VSIG1: variants seen among roughly 807,000 people sequenced by gnomAD.
VSIG1 encodes the protein V-set and immunoglobulin domain-containing protein 1.
In VSIG1, 11 loss-of-function variants were observed where a neutral mutation model predicts 20.1. The ratio of observed to expected loss-of-function variants is 0.55; its 90% confidence interval spans 0.34 to 0.91. The LOEUF is 0.91. Among genes scored for constraint, VSIG1 ranks in the 40% least tolerant of loss-of-function variants. The pLI, the probability that VSIG1 is intolerant of heterozygous loss-of-function variation, is 0.02. For missense variants in VSIG1, 283 were observed against 298.8 expected (o/e 0.95, Z 0.39); for synonymous variants, 126 against 116.7 (o/e 1.08, Z -0.52).
chrX:108,035,557 T>C, the VSIG1 span, among the ~76,000 whole-genome samples: 8,802 of 110,018 alleles, frequency 0.08, 911 homozygotes, highest in African/African-American at 0.28. Flanking sequence ...AAATTCATGA[T>C]CAAATCCTCC....
the VSIG1 span, among the ~76,000 whole-genome samples, chrX:108,026,457 G>A: frequency 2.6e-3 from 291 of 111,170 alleles, 5 homozygotes; most frequent in East Asian, 0.037. Flanking sequence ...ATCTAGTAAA[G>A]CCTGTATGTG....
chrX:108,070,702 A>G (rs1283977977), intron 3 of VSIG1, among the ~76,000 whole-genome samples: 1 of 112,598 alleles, frequency 8.9e-6, no homozygotes, highest in Non-Finnish European at 1.9e-5. Flanking sequence ...CTGGTTAAAT[A>G]GCTTAGTTTA....
rs140656334 is a variant in VSIG1, at chrX:108,057,583, A to C, written c.50-455A>C. On this transcript the variant is annotated intron_variant, in intron 1 of 6. Transcript: ENST00000217957. ...TACAAATATATAAATAAAAATTTTAATTAAAAATTATCGAGGACCCCAAAA... is the reference window on the plus strand; with the variant it reads ...TACAAATATATAAATAAAAATTTTACTTAAAAATTATCGAGGACCCCAAAA... Among the ~76,000 whole-genome samples the C allele has an allele frequency of 5.6e-3, 624 of 111,878 alleles. 6 individuals are homozygous for C. The highest frequency in any genetic ancestry group is 0.019 in the African/African-American group (587 of 30,842).
intron 2 of VSIG1, among the ~76,000 whole-genome samples, chrX:108,060,768 T>A (rs2031002828): frequency 8.9e-6 from 1 of 112,558 alleles, no homozygotes; most frequent in Non-Finnish European, 1.9e-5. Flanking sequence ...AGGTTGAATA[T>A]GAAGACTAAA....
intron 1 of VSIG1, among the ~76,000 whole-genome samples, chrX:108,047,097 A>G: frequency 9.0e-6 from 1 of 111,546 alleles, no homozygotes; most frequent in East Asian, 2.8e-4. Context: ...TGTTTCCATC[A>G]ATGTGCAATT....
At chrX:108,041,771 A>C (rs1350717359), upstream of VSIG1, among the ~76,000 whole-genome samples, 1 of 107,135 alleles carries the variant, frequency 9.3e-6, no homozygotes, top group Non-Finnish European at 1.9e-5. Flanking sequence ...TTAAGTTAAA[A>C]ATGAGGGATA....
At position 108,047,959 on chromosome X, in the gene VSIG1, CACATATATATATATATATATATAT is replaced by C. The variant is rs2030679541; in HGVS notation, c.49+2782_49+2805del. Among the ~76,000 whole-genome samples the C allele has an allele frequency of 1.9e-3, 28 of 14,808 alleles. 3 individuals are homozygous for C. The South Asian group carries it at 0.041, about 22-fold the overall frequency. 12.9% of individuals were successfully genotyped at this position (14,808 alleles called of 115,157 possible). On this transcript the variant is annotated intron_variant, in intron 1 of 6. Transcript: ENST00000217957. ...ACACATATATATATATATATACACA[CACATATATATATATATATATATAT>C]ATATATATATATATATATACACATA...
upstream of VSIG1, among the ~76,000 whole-genome samples, chrX:108,042,167 A>G (rs2030491994): frequency 1.8e-5 from 2 of 112,262 alleles, no homozygotes; most frequent in South Asian, 7.4e-4. Context: ...AGAGTTTGTT[A>G]TAACAGAATT....
intron 2 of VSIG1, among the ~76,000 whole-genome samples, chrX:108,065,704 C>A (rs150954338): frequency 9.0e-6 from 1 of 111,590 alleles, no homozygotes; most frequent in Non-Finnish European, 1.9e-5. Flanking sequence ...AAAATATCTA[C>A]CTTAATCTAC....
In VSIG1 at chrX:108,067,150, T is replaced by C. The variant is rs1278233547; in HGVS notation, c.412+16T>C. 2.5e-6 allele frequency: 3 copies of C among 1,206,717 alleles called. No homozygotes were observed. The highest frequency in any genetic ancestry group is 3.4e-6 in the Non-Finnish European group (3 of 892,619). On this transcript the variant is annotated intron_variant, in intron 3 of 6. Transcript: ENST00000217957. ...AGTGTGTTAGGTATGAGCACTTTTT[T>C]CTGCTTTTTCTTTTCTTGGAAAAAG...
At chrX:108,039,830 C>G in the VSIG1 span, among the ~76,000 whole-genome samples, 1 of 110,920 alleles carries the variant, frequency 9.0e-6, no homozygotes, top group Non-Finnish European at 1.9e-5. Context: ...AAGGATGATA[C>G]CAAGGTTTTG....
At chrX:108,059,661 T>A (rs755305028) in intron 2 of VSIG1, among the ~76,000 whole-genome samples, 5 of 112,197 alleles carry the variant, frequency 4.5e-5, no homozygotes, top group African/African-American at 3.2e-5. Context: ...CCCAAGGCCT[T>A]GTATGTAGGA....
At chrX:108,074,789 G>A (rs1009289450) in intron 5 of VSIG1, among the ~76,000 whole-genome samples, 19 of 111,495 alleles carry the variant, frequency 1.7e-4, no homozygotes, top group Admixed American at 1.1e-3. Flanking sequence ...GAAGCATGAC[G>A]GTAGAGCAGC....
At chrX:108,036,829 C>T in the VSIG1 span, among the ~76,000 whole-genome samples, 3 of 111,868 alleles carry the variant, frequency 2.7e-5, no homozygotes, top group Non-Finnish European at 5.6e-5. Flanking sequence ...GACGTGTGGT[C>T]ACATTAGGTT....
chrX:108,073,330 C>T lies in VSIG1; in HGVS notation c.649C>T (p.Leu217Phe), dbSNP rs1256207017. ...GYYQCTAINR[L>F]GNSSCEIDLT... ...TTACCAGTGTACTGCCATCAACAGA[C>T]TTGGCAATAGTTCCTGCGAAATCGA... is the stretch of plus-strand genomic sequence containing the variant. Residue 217 changes from leucine to phenylalanine, a missense_variant, in exon 5 of 7, where the codon CTT (leucine) becomes TTT (phenylalanine). Coordinates refer to ENST00000217957, the MANE Select transcript of VSIG1 (RefSeq NM_182607.5). 8.3e-7 allele frequency: 1 copy of T among 1,209,281 alleles called. No homozygotes were observed. Among genetic ancestry groups the T allele is most frequent in the Non-Finnish European group, 1.1e-6 (1 of 894,542 alleles).
the VSIG1 span, among the ~76,000 whole-genome samples, chrX:108,029,370 C>T: frequency 9.0e-6 from 1 of 111,136 alleles, no homozygotes. Context: ...CCAGGCTGTT[C>T]GAGTTGTAAT....
intron 1 of VSIG1, among the ~76,000 whole-genome samples, chrX:108,053,213 G>C (rs1291203436): frequency 8.9e-6 from 1 of 112,397 alleles, no homozygotes; most frequent in East Asian, 2.8e-4. Context: ...AAGGACAACA[G>C]AAAGAGCAGA....
the VSIG1 span, among the ~76,000 whole-genome samples, chrX:108,019,243 T>C: frequency 8.9e-6 from 1 of 111,920 alleles, no homozygotes; most frequent in Non-Finnish European, 1.9e-5. Flanking sequence ...AGAGGTTGAG[T>C]GTGCCTGACT....
At chrX:108,024,513 A>C in the VSIG1 span, among the ~76,000 whole-genome samples, 1 of 106,642 alleles carries the variant, frequency 9.4e-6, no homozygotes, top group South Asian at 4.1e-4. Context: ...TTATTTTCCT[A>C]GTTTCTTAAG....
Sources: gnomAD v4.1 joint callset for allele counts (sites outside exome capture counted in the v4.1 genomes callset) on GRCh38, gnomAD v4.1.1 for gene constraint, MANE v1.5 for transcripts, NCBI Gene and HGNC (gene_info 2026-07-23, HGNC 2026-07-21) for gene names.